Variants in SCP2 observed in about 807,000 individuals in gnomAD.
SCP2 encodes sterol carrier protein 2, also known as SCP-2/3-oxoacyl-CoA thiolase.
A neutral mutation model predicts 71.4 loss-of-function variants in SCP2; 48 were observed. The ratio of observed to expected loss-of-function variants is 0.67; its 90% CI spans 0.53 to 0.86. SCP2 has a LOEUF of 0.86. SCP2 is among the 40% of genes least tolerant of loss of function. The pLI, the probability that SCP2 is intolerant of heterozygous loss-of-function variation, is 0.00. For synonymous variants in SCP2, 220 were observed against 218.1 expected, an observed-to-expected ratio of 1.01 and a Z score of -0.08; for missense variants, 560 against 655.6, an observed-to-expected ratio of 0.85 and a Z score of 1.59.
chr1:53,043,244 A>T (rs1430261116), intron 14 of SCP2, among the ~76,000 whole-genome samples: 4 of 152,246 alleles, frequency 2.6e-5, no homozygotes, highest in Admixed American at 2.6e-4. Context: ...TTCTATCCAT[A>T]GAACTGTTGT....
intron 8 of SCP2, among the ~76,000 whole-genome samples, chr1:52,977,896 G>T (rs1230473943): frequency 2.6e-5 from 4 of 151,274 alleles, no homozygotes; most frequent in African/African-American, 9.7e-5. Flanking sequence ...GGAGGAGGAG[G>T]TTGCAGTTGC....
Position 52,991,728 on chromosome 1 carries a change from A to C in SCP2, c.1081+3592A>C, listed in dbSNP as rs921103133. On this transcript the variant is annotated intron_variant, in intron 11 of 15. Transcript: ENST00000371514. ...CCTCTTGTTTTTATCACAGTATGAA[A>C]AATAATTTTTAACCATTTTTGGAAA... Among the ~76,000 whole-genome samples the C allele has an allele frequency of 3.9e-5, 6 of 152,118 alleles. 1 individual carries two copies. Among genetic ancestry groups the C allele is most frequent in the Non-Finnish European group, 5.9e-5 (4 of 68,012 alleles).
intron 8 of SCP2, among the ~76,000 whole-genome samples, chr1:52,977,686 C>T (rs1317605094): frequency 2.6e-5 from 4 of 152,124 alleles, no homozygotes; most frequent in East Asian, 1.9e-4. Flanking sequence ...TGGGGCTGGG[C>T]GTGGTAGCTC....
intron 13 of SCP2, among the ~76,000 whole-genome samples, chr1:53,032,581 A>G (rs1315352231): frequency 1.3e-5 from 2 of 152,246 alleles, no homozygotes; most frequent in African/African-American, 2.4e-5. Context: ...CAACATGTTC[A>G]TGGAATTCAG....
chr1:52,965,637 ATT>A (rs562425893), intron 6 of SCP2, among the ~76,000 whole-genome samples: 1 of 150,682 alleles, frequency 6.6e-6, no homozygotes, highest in African/African-American at 2.4e-5. Context: ...AAGGCTACTG[ATT>A]TTTTTTTCCC....
chr1:52,943,640 G>A (rs1654492469), intron 2 of SCP2: 2 of 431,850 alleles, frequency 4.6e-6, no homozygotes, highest in Non-Finnish European at 9.1e-6. Flanking sequence ...AACGAGATAG[G>A]CCTCACTTAC....
chr1:53,013,146 C>T (rs1324460250), intron 11 of SCP2, among the ~76,000 whole-genome samples: 1 of 145,992 alleles, frequency 6.8e-6, no homozygotes, highest in African/African-American at 2.6e-5. Flanking sequence ...GGGTCTCCCC[C>T]TATAATCTTG....
intron 1 of SCP2, among the ~76,000 whole-genome samples, chr1:52,935,418 C>T (rs931687205): frequency 6.6e-6 from 1 of 151,298 alleles, no homozygotes; most frequent in Non-Finnish European, 1.5e-5. Flanking sequence ...CGCAAAACCC[C>T]GTTTTTATTA....
intron 1 of SCP2, among the ~76,000 whole-genome samples, chr1:52,930,711 TATTTA>T (rs1653073297): frequency 6.6e-6 from 1 of 152,204 alleles, no homozygotes; most frequent in Non-Finnish European, 1.5e-5. Context: ...AATATTACAT[TATTTA>T]ATTCTCACCA....
intron 11 of SCP2, among the ~76,000 whole-genome samples, chr1:52,999,434 A>C (rs1175548922): frequency 6.6e-6 from 1 of 152,180 alleles, no homozygotes; most frequent in African/African-American, 2.4e-5. Flanking sequence ...AATGGTGTTA[A>C]TTTAATTGTA....
chr1:53,018,056 T>A (rs985262023), intron 12 of SCP2, among the ~76,000 whole-genome samples: 3 of 152,108 alleles, frequency 2.0e-5, no homozygotes, highest in African/African-American at 7.2e-5. Flanking sequence ...GGTTTCACCA[T>A]GTTGGCCAGG....
intron 11 of SCP2, among the ~76,000 whole-genome samples, chr1:53,011,499 C>T (rs991428640): frequency 6.6e-6 from 1 of 152,154 alleles, no homozygotes; most frequent in African/African-American, 2.4e-5. Flanking sequence ...AGATTGTATA[C>T]CCTTATGTAT....
At chr1:52,973,269 G>A (rs1657653344) in intron 6 of SCP2, among the ~76,000 whole-genome samples, 1 of 151,894 alleles carries the variant, frequency 6.6e-6, no homozygotes, top group Admixed American at 6.6e-5. Context: ...AATAGTAAAG[G>A]CTCCAAATGT....
chr1:52,946,747 A>C (rs1202033551), intron 2 of SCP2, among the ~76,000 whole-genome samples: 1 of 140,964 alleles, frequency 7.1e-6, no homozygotes, highest in African/African-American at 2.7e-5. Flanking sequence ...AATTTCAAAT[A>C]CATTTATATG....
rs544069554 is a variant in SCP2 at position 52,980,558 on chromosome 1, T to G, written c.973+15T>G. 6.8e-6 allele frequency: 11 copies of G among 1,608,440 alleles called. No individual in the cohort carries two copies. In the Admixed American group the frequency reaches 1.8e-4, roughly 27 times the overall value. On this transcript the variant is annotated intron_variant, in intron 10 of 15. Coordinates refer to ENST00000371514, the MANE Select transcript of SCP2 (RefSeq NM_002979.5). ...CTGTCCAGAAGGTAACATCTTTGAA[T>G]AGGGCAGATTAATTCAGTAAATTTC...
intron 2 of SCP2, chr1:52,944,028 C>A: frequency 5.0e-6 from 1 of 198,516 alleles, no homozygotes. Flanking sequence ...TGCTGGAACA[C>A]CTAAATAAAT....
At chr1:53,023,025 T>G (rs111588955) in intron 12 of SCP2, among the ~76,000 whole-genome samples, 2,530 of 152,290 alleles carry the variant, frequency 0.017, 48 homozygotes, top group African/African-American at 0.059. Flanking sequence ...ACTTTTTATG[T>G]AAAGAAATCA....
chr1:52,928,524 T>G (rs898490499), intron 1 of SCP2: 1 of 152,374 alleles, frequency 6.6e-6, no homozygotes, highest in Admixed American at 6.5e-5. Flanking sequence ...CTCACGCCTG[T>G]AATCCCAGCA....
At chr1:52,942,710 T>C (rs1049953814) in intron 2 of SCP2, among the ~76,000 whole-genome samples, 1 of 149,766 alleles carries the variant, frequency 6.7e-6, no homozygotes, top group Admixed American at 6.7e-5. Context: ...TTTTTTTTTT[T>C]TTTTTGAGAT....
Sources: gnomAD v4.1 joint callset for allele counts (sites outside exome capture counted in the v4.1 genomes callset) on GRCh38, gnomAD v4.1.1 for gene constraint, MANE v1.5 for transcripts, NCBI Gene and HGNC (gene_info 2026-07-23, HGNC 2026-07-21) for gene names.